The following ART3 variants were observed in gnomAD, a reference collection of about 807,000 sequenced individuals.
ART3 encodes the protein ADP-ribosyltransferase 3 (inactive).
Under a neutral mutation model 48.5 loss-of-function variants are expected in ART3, and 49 were observed. The observed-to-expected ratio is 1.01, with a 90% CI of 0.80 to 1.28. The LOEUF (loss-of-function observed/expected upper bound fraction) is 1.28. Ranked by LOEUF, ART3 falls within the 50% of genes most tolerant of loss-of-function variation. The pLI is 0.00. For missense variants in ART3, 438 were observed against 454.3 expected, an observed-to-expected ratio of 0.96 and a Z score of 0.33; for synonymous variants, 145 against 157.2, an observed-to-expected ratio of 0.92 and a Z score of 0.58.
At chr4:76,071,188 A>G (rs1017517447), upstream of ART3, among the ~76,000 whole-genome samples, 1 of 152,010 alleles carries the variant, frequency 6.6e-6, no homozygotes, top group African/African-American at 2.4e-5. Context: ...CGTCTCTAGT[A>G]AAAATACAAA....
intron 1 of ART3, chr4:76,023,445 G>A (rs370870249): frequency 1.1e-5 from 17 of 1,612,714 alleles, no homozygotes; most frequent in Non-Finnish European, 1.4e-5. Flanking sequence ...GCTGAGACTG[G>A]AGGTTCCTCT....
chr4:76,036,109 T>C, intron 1 of ART3: 1 of 784,536 alleles, frequency 1.3e-6, no homozygotes, highest in South Asian at 1.7e-5. Flanking sequence ...TAGAGCATTT[T>C]ATACACCAGC....
intron 1 of ART3, among the ~76,000 whole-genome samples, chr4:76,054,377 CTAAG>C (rs1222279909): frequency 2.0e-5 from 3 of 152,006 alleles, no homozygotes; most frequent in Non-Finnish European, 4.4e-5. Context: ...CCAGTTTGAA[CTAAG>C]TGTTATTAAA....
At chr4:76,051,896 C>CTT (rs1453567140) in intron 1 of ART3, among the ~76,000 whole-genome samples, 60 of 100,240 alleles carry the variant, frequency 6.0e-4, no homozygotes, top group African/African-American at 2.2e-3. Context: ...CTCTCTCTCT[C>CTT]TCTTTTTTTT....
intron 2 of ART3, among the ~76,000 whole-genome samples, chr4:76,077,752 A>T (rs1721442409): frequency 6.6e-6 from 1 of 152,188 alleles, no homozygotes; most frequent in Admixed American, 6.5e-5. Context: ...CGGTAATTTT[A>T]TGTTAACTTT....
At chr4:76,110,881 T>G (rs1269250232) in intron 11 of ART3, among the ~76,000 whole-genome samples, 1 of 152,138 alleles carries the variant, frequency 6.6e-6, no homozygotes, top group African/African-American at 2.4e-5. Flanking sequence ...GCATAAAATA[T>G]ATGTAGATGC....
chr4:76,014,513 A>G (rs943723173), intron 1 of ART3, among the ~76,000 whole-genome samples: 1 of 152,192 alleles, frequency 6.6e-6, no homozygotes, highest in Non-Finnish European at 1.5e-5. Flanking sequence ...AGTAGAAAGA[A>G]AAAAGAATGA....
At chr4:76,105,379 A>G (rs1728242145) in intron 10 of ART3, 1 of 753,246 alleles carries the variant, frequency 1.3e-6, no homozygotes, top group African/African-American at 1.9e-5. Context: ...CTGCTTTCAC[A>G]TCTGTAAAAT....
At chr4:76,021,835 C>T in intron 1 of ART3, 1 of 1,214,050 alleles carries the variant, frequency 8.2e-7, no homozygotes, top group East Asian at 2.3e-5. Context: ...ACAATTATGG[C>T]TTGACATATA....
chr4:76,064,898 C>G (rs2149488373), intron 1 of ART3, among the ~76,000 whole-genome samples: 1 of 150,774 alleles, frequency 6.6e-6, no homozygotes, highest in African/African-American at 2.4e-5. Flanking sequence ...GTGGCAAGAT[C>G]ATGGGTCACA....
intron 3 of ART3, among the ~76,000 whole-genome samples, chr4:76,090,905 C>G (rs1724736590): frequency 6.6e-6 from 1 of 152,170 alleles, no homozygotes; most frequent in Non-Finnish European, 1.5e-5. Context: ...CTTTCTCCTC[C>G]CTTTCCCTGT....
At chr4:76,095,338 C>T (rs1725758975) in intron 3 of ART3, among the ~76,000 whole-genome samples, 1 of 151,912 alleles carries the variant, frequency 6.6e-6, no homozygotes, top group Non-Finnish European at 1.5e-5. Context: ...TGAAACCCTG[C>T]CTCTATTAAA....
intron 3 of ART3, 52 bp downstream of exon 3, chr4:76,082,587 T>G (rs1346079812): frequency 6.9e-7 from 1 of 1,450,860 alleles, no homozygotes; most frequent in Non-Finnish European, 9.2e-7. Flanking sequence ...GTGGGATTCT[T>G]AGGCTTAGGG....
chr4:76,095,720 T>C (rs1299193275), intron 3 of ART3, among the ~76,000 whole-genome samples: 1 of 152,198 alleles, frequency 6.6e-6, no homozygotes, highest in Non-Finnish European at 1.5e-5. Flanking sequence ...AGTATGTGGC[T>C]GGAAAACTAC....
chr4:76,028,435 T>G (rs1159821087), intron 1 of ART3, among the ~76,000 whole-genome samples: 2 of 152,230 alleles, frequency 1.3e-5, no homozygotes, highest in African/African-American at 4.8e-5. Context: ...TTTAAGCCTG[T>G]GATTATGGCA....
At chr4:76,035,644 G>A (rs1560586587) in intron 1 of ART3, among the ~76,000 whole-genome samples, 1 of 152,112 alleles carries the variant, frequency 6.6e-6, no homozygotes, top group Admixed American at 6.6e-5. Context: ...TAACATGATC[G>A]CTATATAAAA....
At chr4:76,022,653 C>A (rs911678841) in intron 1 of ART3, 2 of 1,602,910 alleles carry the variant, frequency 1.2e-6, no homozygotes, top group Non-Finnish European at 1.7e-6. Context: ...TATATAATTA[C>A]AACCAGGGAA....
At chr4:76,068,819 G>A (rs889563888) in intron 1 of ART3, among the ~76,000 whole-genome samples, 3 of 152,166 alleles carry the variant, frequency 2.0e-5, no homozygotes, top group African/African-American at 7.2e-5. Flanking sequence ...ATTCATTCAT[G>A]TAAAGTATTC....
chr4:76,078,554 G>C (rs917901874), intron 2 of ART3, among the ~76,000 whole-genome samples: 2 of 152,090 alleles, frequency 1.3e-5, no homozygotes, highest in Admixed American at 1.3e-4. Context: ...CCAGGACTAC[G>C]GGGGTCTTAA....
Sources: gnomAD v4.1 joint callset for allele counts (sites outside exome capture counted in the v4.1 genomes callset) on GRCh38, gnomAD v4.1.1 for gene constraint, MANE v1.5 for transcripts, NCBI Gene and HGNC (gene_info 2026-07-23, HGNC 2026-07-21) for gene names.